The following ADAM32 variants were observed in gnomAD, a reference collection of about 807,000 sequenced individuals.
ADAM32 encodes the protein disintegrin and metalloproteinase domain-containing protein 32.
A neutral mutation model predicts 114.9 loss-of-function variants in ADAM32; 89 were observed. The observed-to-expected ratio is 0.77, with a 90% confidence interval of 0.65 to 0.92. The LOEUF (loss-of-function observed/expected upper bound fraction) is 0.92, where lower values mean the gene tolerates loss of function less well. ADAM32 is among the 40% of genes least tolerant of loss of function. The probability of loss-of-function intolerance (pLI) is 0.00; values close to 1 mark genes in which losing one functional copy is unlikely to be tolerated. For missense variants in ADAM32, 870 were observed against 932.8 expected, an observed-to-expected ratio of 0.93 and a Z score of 0.88; for synonymous variants, 285 against 307.5, an observed-to-expected ratio of 0.93 and a Z score of 0.77.
intron 15 of ADAM32, among the ~76,000 whole-genome samples, chr8:39,233,604 G>A (rs1307497746): frequency 6.6e-6 from 1 of 152,058 alleles, no homozygotes; most frequent in Non-Finnish European, 1.5e-5. Context: ...TAAGAATGCC[G>A]TAACCTCCTG....
chr8:39,193,370 A>T (rs978280621), intron 11 of ADAM32, among the ~76,000 whole-genome samples: 2 of 152,052 alleles, frequency 1.3e-5, no homozygotes, highest in African/African-American at 4.8e-5. Flanking sequence ...GTTCTTTTCT[A>T]TCCTGACTAT....
At chr8:39,242,727 G>A (rs1810644493) in intron 16 of ADAM32, among the ~76,000 whole-genome samples, 1 of 151,980 alleles carries the variant, frequency 6.6e-6, no homozygotes, top group South Asian at 2.1e-4. Context: ...CATACCTCAA[G>A]GAACTAGAGA....
At chr8:39,268,464 T>C (rs1812503426) in intron 19 of ADAM32, among the ~76,000 whole-genome samples, 1 of 152,234 alleles carries the variant, frequency 6.6e-6, no homozygotes, top group Admixed American at 6.5e-5. Flanking sequence ...ACTTTTGAAA[T>C]GGGTTTGTTG....
At chr8:39,190,714 T>C (rs1806547076) in intron 11 of ADAM32, among the ~76,000 whole-genome samples, 1 of 152,220 alleles carries the variant, frequency 6.6e-6, no homozygotes. Flanking sequence ...CTTTGAGAAA[T>C]GTCTGTTCAA....
At chr8:39,189,756 C>A (rs545990033) in intron 11 of ADAM32, among the ~76,000 whole-genome samples, 2 of 152,230 alleles carry the variant, frequency 1.3e-5, no homozygotes, top group East Asian at 3.9e-4. Flanking sequence ...TCTCTTCATT[C>A]CCCTACCCAC....
At chr8:39,160,115 T>C (rs1378917360) in intron 6 of ADAM32, among the ~76,000 whole-genome samples, 2 of 152,120 alleles carry the variant, frequency 1.3e-5, no homozygotes, top group East Asian at 3.9e-4. Flanking sequence ...CGACTTAGGC[T>C]CAAGATTGGC....
At chr8:39,109,143 AT>A (rs1001654135) in intron 1 of ADAM32, among the ~76,000 whole-genome samples, 3 of 152,230 alleles carry the variant, frequency 2.0e-5, no homozygotes, top group African/African-American at 7.2e-5. Flanking sequence ...TACATGAACA[AT>A]TTTTGAGATT....
intron 15 of ADAM32, among the ~76,000 whole-genome samples, chr8:39,233,383 G>A (rs1809874989): frequency 6.6e-6 from 1 of 152,166 alleles, no homozygotes; most frequent in Non-Finnish European, 1.5e-5. Context: ...TGATGTTGCT[G>A]TGGCATTTGT....
chr8:39,135,508 T>C (rs561448740), intron 2 of ADAM32, among the ~76,000 whole-genome samples: 2 of 152,334 alleles, frequency 1.3e-5, no homozygotes, highest in Admixed American at 1.3e-4. Flanking sequence ...TATAGCCACA[T>C]GAATACATTA....
At chr8:39,193,911 C>G (rs1256193044) in intron 11 of ADAM32, among the ~76,000 whole-genome samples, 1 of 152,200 alleles carries the variant, frequency 6.6e-6, no homozygotes, top group African/African-American at 2.4e-5. Flanking sequence ...CCACAACATT[C>G]CAATAGGTGG....
chr8:39,201,087 A>G (rs4733990), intron 11 of ADAM32, among the ~76,000 whole-genome samples: 37,553 of 151,962 alleles, frequency 0.25, 5,007 homozygotes, highest in Non-Finnish European at 0.29. Context: ...TTTTGGCTTA[A>G]GATTGACTTG....
chr8:39,172,754 T>C (rs1805276417), intron 10 of ADAM32, among the ~76,000 whole-genome samples: 1 of 152,226 alleles, frequency 6.6e-6, no homozygotes, highest in South Asian at 2.1e-4. Flanking sequence ...GATGGACATT[T>C]GGGTTGATTC....
Position 39,131,335 on chromosome 8 carries a change from T to G in ADAM32, c.139-5322T>G, listed in dbSNP as rs139842121. On this transcript the variant is annotated intron_variant, in intron 2 of 24. Transcript: ENST00000379907. Reference sequence around the variant, plus strand: ...TCTCATCTCTCCAAAAAATAAAACATAAAAAAATAGCCAGCCATGGTGGCA... The same window carrying G: ...TCTCATCTCTCCAAAAAATAAAACAGAAAAAAATAGCCAGCCATGGTGGCA... 3.3e-5 allele frequency among the ~76,000 whole-genome samples: 5 copies of G among 151,976 alleles called. No individual in the cohort carries two copies. The East Asian group carries it at 9.7e-4, about 30-fold the overall frequency.
At chr8:39,245,974 T>A in intron 16 of ADAM32, 109 bp from the exon 17 acceptor site, 2 of 876,666 alleles carry the variant, frequency 2.3e-6, no homozygotes, top group Non-Finnish European at 3.6e-6. Context: ...AGAGGAAAAT[T>A]TGTATCATTG....
chr8:39,193,296 T>G (rs1419906185), intron 11 of ADAM32, among the ~76,000 whole-genome samples: 2 of 152,342 alleles, frequency 1.3e-5, no homozygotes, highest in African/African-American at 2.4e-5. Flanking sequence ...GTTCTGCTCT[T>G]AATAGTTGCA....
Position 39,284,830 on chromosome 8 carries a change from G to A in ADAM32, c.*31G>A, listed in dbSNP as rs201321097. 1.0e-4 allele frequency: 169 copies of A among 1,612,206 alleles called. No individual in the cohort carries two copies. In the African/African-American group the frequency reaches 1.9e-3, roughly 18 times the overall value. On this transcript the variant is annotated 3_prime_UTR_variant, in exon 25 of 25. Transcript: ENST00000379907. ...CCTTCAGAAGGCAACGGATAACATC[G>A]AGAGTCTCGCTAAGAAATGAAAATT...
At chr8:39,279,525 A>T (rs1220693796) in intron 22 of ADAM32, among the ~76,000 whole-genome samples, 1 of 151,868 alleles carries the variant, frequency 6.6e-6, no homozygotes, top group East Asian at 1.9e-4. Context: ...CTTGTGATCC[A>T]CTCGCCTCGG....
intron 9 of ADAM32, chr8:39,166,589 T>C (rs1159645836): frequency 6.6e-6 from 1 of 152,232 alleles, no homozygotes; most frequent in East Asian, 1.9e-4. Flanking sequence ...GTAGTTCTGC[T>C]TTTAGATCTT....
chr8:39,231,527 A>AT (rs749522985), intron 14 of ADAM32, among the ~76,000 whole-genome samples: 95 of 152,236 alleles, frequency 6.2e-4, no homozygotes, highest in Non-Finnish European at 2.9e-5. Flanking sequence ...ATCTTTTCTA[A>AT]TTTTTTACAG....
Sources: gnomAD v4.1 joint callset for allele counts (sites outside exome capture counted in the v4.1 genomes callset) on GRCh38, gnomAD v4.1.1 for gene constraint, MANE v1.5 for transcripts, NCBI Gene and HGNC (gene_info 2026-07-23, HGNC 2026-07-21) for gene names.